The following ERC1 variants were observed in gnomAD, a reference collection of about 807,000 sequenced individuals.
ERC1 encodes RAB6 interacting protein 2.
Under a neutral mutation model 132.0 loss-of-function variants are expected in ERC1, and 56 were observed. The observed-to-expected ratio is 0.42, with a 90% confidence interval of 0.34 to 0.53. The LOEUF is 0.53. ERC1 is among the 20% of genes least tolerant of loss of function. ERC1 has a pLI of 0.03. For missense variants in ERC1, 1,202 were observed against 1,349.9 expected (o/e 0.89, Z 1.72); for synonymous variants, 478 against 476.1 (o/e 1.00, Z -0.05).
At chr12:1,333,867 C>T (rs2083089852) in intron 15 of ERC1, among the ~76,000 whole-genome samples, 1 of 152,208 alleles carries the variant, frequency 6.6e-6, no homozygotes, top group African/African-American at 2.4e-5. Context: ...TACACTCCCG[C>T]CAACAATGTA....
intron 13 of ERC1, among the ~76,000 whole-genome samples, chr12:1,243,304 G>A (rs1237203727): frequency 2.0e-5 from 3 of 152,108 alleles, no homozygotes; most frequent in African/African-American, 7.2e-5. Context: ...AGGGACTTGC[G>A]CATCTGTGGA....
At chr12:1,009,168 G>A (rs1964237577) in intron 1 of ERC1, among the ~76,000 whole-genome samples, 1 of 151,856 alleles carries the variant, frequency 6.6e-6, no homozygotes, top group Non-Finnish European at 1.5e-5. Context: ...GTATCTTGTG[G>A]TGGTAAAGAT....
chr12:1,281,123 C>T (rs1373070531), intron 14 of ERC1, among the ~76,000 whole-genome samples: 3 of 152,100 alleles, frequency 2.0e-5, no homozygotes, highest in Non-Finnish European at 2.9e-5. Context: ...GTTTTACTCA[C>T]ATTATTTCAT....
chr12:1,133,865 A>G (rs12319882), intron 7 of ERC1, among the ~76,000 whole-genome samples: 35,571 of 151,958 alleles, frequency 0.23, 4,435 homozygotes, highest in African/African-American at 0.3. Context: ...TTTGAGTTCA[A>G]CTTTATTCAG....
intron 17 of ERC1, among the ~76,000 whole-genome samples, chr12:1,411,242 A>T (rs1208003095): frequency 6.6e-6 from 1 of 152,186 alleles, no homozygotes; most frequent in African/African-American, 2.4e-5. Flanking sequence ...TTGACTAAGG[A>T]AATCCTTTTC....
intron 15 of ERC1, among the ~76,000 whole-genome samples, chr12:1,325,455 A>G (rs975345934): frequency 3.3e-5 from 5 of 152,126 alleles, no homozygotes; most frequent in Non-Finnish European, 7.4e-5. Context: ...TTTAACTGGC[A>G]TTTTCTCTGC....
At chr12:991,524 C>T (rs1462848144) in intron 1 of ERC1, 1 of 152,210 alleles carries the variant, frequency 6.6e-6, no homozygotes, top group Non-Finnish European at 1.5e-5. Context: ...CCTCGGCAGC[C>T]CGGGGGGTGG....
chr12:1,387,613 A>G (rs1336070153), intron 16 of ERC1, among the ~76,000 whole-genome samples: 1 of 152,226 alleles, frequency 6.6e-6, no homozygotes, highest in African/African-American at 2.4e-5. Flanking sequence ...ATAAGGTGAT[A>G]TAAAGGCAGA....
chr12:1,395,209 T>A (rs2090426815), intron 16 of ERC1, among the ~76,000 whole-genome samples: 1 of 152,208 alleles, frequency 6.6e-6, no homozygotes, highest in African/African-American at 2.4e-5. Context: ...TCATTTTAGG[T>A]ACTGCACTGG....
chr12:1,103,654 A>G (rs1032839329), intron 3 of ERC1, among the ~76,000 whole-genome samples: 1 of 152,136 alleles, frequency 6.6e-6, no homozygotes, highest in African/African-American at 2.4e-5. Flanking sequence ...AGGCATTAAG[A>G]AGACTCATAG....
At chr12:1,180,804 A>G (rs967946569) in intron 9 of ERC1, 127 bp downstream of exon 9, 9 of 1,136,158 alleles carry the variant, frequency 7.9e-6, no homozygotes, top group African/African-American at 2.1e-5. Flanking sequence ...TATTGCTGAC[A>G]TACGTAGTGT....
At chr12:1,186,258 A>G (rs192773888) in intron 11 of ERC1, among the ~76,000 whole-genome samples, 91 of 152,252 alleles carry the variant, frequency 6.0e-4, no homozygotes, top group African/African-American at 2.1e-3. Flanking sequence ...GTTAGTCTTT[A>G]CTCTCTCATT....
chr12:1,459,276 A>AT (rs1178157599), intron 18 of ERC1, among the ~76,000 whole-genome samples: 2 of 152,058 alleles, frequency 1.3e-5, no homozygotes, highest in Non-Finnish European at 2.9e-5. Context: ...TATTGCTGAG[A>AT]TTTTTTTTAA....
At chr12:1,063,695 A>T (rs1013149549) in intron 2 of ERC1, among the ~76,000 whole-genome samples, 1 of 152,194 alleles carries the variant, frequency 6.6e-6, no homozygotes, top group Non-Finnish European at 1.5e-5. Context: ...TAAACCATGT[A>T]CATTCAAGAT....
chr12:1,317,979 A>G lies in ERC1; in HGVS notation c.2780+27967A>G, dbSNP rs111866944. Among the ~76,000 whole-genome samples, 817 of 152,314 alleles carry G rather than the reference A, an allele frequency of 5.4e-3. 6 individuals carry two copies. The highest frequency in any genetic ancestry group is 0.019 in the African/African-American group (770 of 41,568). ...TTTATGTAGCATGTGTATATTGTAA[A>G]TTATTTATAAAAATGTTTTAAAAGA... On this transcript the variant is annotated intron_variant, in intron 15 of 18. Transcript: ENST00000360905.
At chr12:1,196,943 C>T (rs1399321599) in intron 12 of ERC1, among the ~76,000 whole-genome samples, 9 of 42,286 alleles carry the variant, frequency 2.1e-4, no homozygotes, top group East Asian at 1.4e-3. Context: ...CACACACACA[C>T]ACACACACAC....
At chr12:1,150,059 C>G (rs1950700684) in intron 8 of ERC1, among the ~76,000 whole-genome samples, 1 of 152,170 alleles carries the variant, frequency 6.6e-6, no homozygotes, top group Non-Finnish European at 1.5e-5. Flanking sequence ...ACAGTGCACT[C>G]TCCTGTAGCT....
At chr12:1,326,192 T>C (rs1268723176) in intron 15 of ERC1, among the ~76,000 whole-genome samples, 2 of 152,190 alleles carry the variant, frequency 1.3e-5, no homozygotes, top group Admixed American at 6.5e-5. Flanking sequence ...TTTACTGATT[T>C]GCAGACTGGT....
rs188601488 is a variant in ERC1 at position 1,205,957 on chromosome 12, T to A, written c.2351+15905T>A. On this transcript the variant is annotated intron_variant, in intron 12 of 18. Transcript: ENST00000360905. The stretch of plus-strand genomic sequence containing the variant: ...TCAGAAGAATTTGACCGTGAAGCCA[T>A]TGGTATATACATAATTCACTGAGTT... Among the ~76,000 whole-genome samples the A allele has an allele frequency of 3.4e-4, 52 of 152,230 alleles. No individual in the cohort carries two copies. In the East Asian group the frequency reaches 9.4e-3, roughly 28 times the overall value.
Sources: allele counts gnomAD v4.1 joint callset (sites outside exome capture counted in the v4.1 genomes callset), GRCh38; gene constraint gnomAD v4.1.1; transcripts MANE v1.5; gene names NCBI Gene and HGNC (gene_info 2026-07-23, HGNC 2026-07-21).